Variants in MXD4 observed in about 807,000 individuals in gnomAD.
The protein encoded by MXD4 is MAX dimerization protein 4.
MXD4 carries 16 observed loss-of-function variants against 24.5 expected under a neutral mutation model. The ratio of observed to expected loss-of-function variants is 0.65; its 90% CI spans 0.44 to 0.99. The LOEUF (loss-of-function observed/expected upper bound fraction) is 0.99. MXD4 is among the 50% of genes least tolerant of loss of function. The pLI is 0.00. For synonymous variants in MXD4, 164 were observed against 134.2 expected, an observed-to-expected ratio of 1.22 and a Z score of -1.54; for missense variants, 301 against 301.5, an observed-to-expected ratio of 1.00 and a Z score of 0.01.
intron 3 of MXD4, 53 bp downstream of exon 3, chr4:2,257,929 T>G: frequency 6.2e-7 from 1 of 1,607,658 alleles, no homozygotes; most frequent in Middle Eastern, 1.7e-4. Flanking sequence ...ACACCCTCAG[T>G]AAAAGGGTGG....
intron 2 of MXD4, among the ~76,000 whole-genome samples, chr4:2,260,147 G>A (rs1336403253): frequency 2.6e-5 from 4 of 152,228 alleles, no homozygotes; most frequent in African/African-American, 4.8e-5. Flanking sequence ...GGGGAGCGGG[G>A]CTCGGCCCAG....
Position 2,250,261 on chromosome 4 carries a change from T to G in MXD4, c.*283A>C. The G allele has an allele frequency of 2.0e-6, 1 of 511,742 alleles. No homozygotes were observed. The highest frequency in any genetic ancestry group is 3.5e-6 in the Non-Finnish European group (1 of 287,518). The allele number at this position is 511,742 out of a possible 1,614,324, so 31.7% of individuals were successfully genotyped here. On this transcript the variant is annotated 3_prime_UTR_variant, in exon 6 of 6. Transcript: ENST00000337190. ...TGACGTTTAATACTTCTGGAATGAT[T>G]AGGAATCTGAGAACAGACCGTGGGC...
At chr4:2,260,287 G>T (rs1008037381) in intron 2 of MXD4, among the ~76,000 whole-genome samples, 1 of 152,356 alleles carries the variant, frequency 6.6e-6, no homozygotes, top group South Asian at 2.1e-4. Context: ...TCAGAGATGG[G>T]TGAGTGGCAG....
In MXD4 at chr4:2,261,788, T is replaced by C; in HGVS notation, c.101A>G (p.Asp34Gly). The C allele has an allele frequency of 7.0e-7, 1 of 1,429,386 alleles. No homozygotes were observed. Among genetic ancestry groups the C allele is most frequent in the Non-Finnish European group, 9.2e-7 (1 of 1,083,992 alleles). 88.5% of individuals were successfully genotyped at this position (1,429,386 alleles called of 1,614,324 possible). A position where few individuals can be genotyped will look rare whatever the true frequency, so the allele number is the denominator to read the frequency against. Residue 34 changes from aspartate to glycine, a missense_variant, in exon 2 of 6, where the codon GAC becomes GGC. Transcript: ENST00000337190. The stretch of plus-strand genomic sequence containing the variant: ...TGTTTTCTCCCTGGCGAAGTCGCCG[T>C]CGAAGGGCAGCACCGAGGCGTAGCC... ...EHGYASVLPF[D>G]GDFAREKTKA...
In MXD4 at chr4:2,249,732, G is replaced by A. The variant is rs1483819464; in HGVS notation, c.*812C>T. 1 of 152,296 alleles carries A rather than the reference G, an allele frequency of 6.6e-6. No homozygotes were observed. The highest frequency in any genetic ancestry group is 2.4e-5 in the African/African-American group (1 of 41,452). The allele number at this position is 152,296 out of a possible 1,614,324, so 9.4% of individuals were successfully genotyped here. A position where few individuals can be genotyped will look rare whatever the true frequency, so the allele number is the denominator to read the frequency against. On this transcript the variant is annotated 3_prime_UTR_variant, in exon 6 of 6. Coordinates refer to ENST00000337190, the MANE Select transcript of MXD4 (RefSeq NM_006454.3). The stretch of plus-strand genomic sequence containing the variant: ...ACTACTGGGTGGGCGTGGGTGAGCA[G>A]GAGCTAGAGGGGGATCCAGGCACAG...
Position 2,262,033 on chromosome 4 carries a change from G to A in MXD4, c.-53C>T, listed in dbSNP as rs961587556. 5.1e-4 allele frequency: 495 copies of A among 963,072 alleles called. No individual in the cohort carries two copies. The highest frequency in any genetic ancestry group is 5.7e-4 in the Non-Finnish European group (454 of 800,706). The allele number at this position is 963,072 out of a possible 1,614,324, so 59.7% of individuals were successfully genotyped here. On this transcript the variant is annotated 5_prime_UTR_variant, in exon 1 of 6. Transcript: ENST00000337190. The stretch of plus-strand genomic sequence containing the variant: ...GACGGCGGCGGCCGCTGCCCGGCCC[G>A]CTCCGGCCGGCTCCGCTCGCCGCCC...
chr4:2,252,713 C>A lies in MXD4; in HGVS notation c.195-191G>T, dbSNP rs1038939384. The A allele has an allele frequency of 3.1e-5, 17 of 546,478 alleles. No individual in the cohort carries two copies. In the Admixed American group the frequency reaches 3.3e-4, roughly 11 times the overall value. The allele number at this position is 546,478 out of a possible 1,614,324, so 33.9% of individuals were successfully genotyped here. A position where few individuals can be genotyped will look rare whatever the true frequency, so the allele number is the denominator to read the frequency against. ...CCCAGGAGGAGCCCAACACCCACAG[C>A]CCCCAGACACCTGGCAGAAGCGCCC... On this transcript the variant is annotated intron_variant, in intron 3 of 5. Transcript: ENST00000337190.
chr4:2,255,902 G>A (rs1399056716), intron 3 of MXD4, among the ~76,000 whole-genome samples: 1 of 152,178 alleles, frequency 6.6e-6, no homozygotes, highest in Non-Finnish European at 1.5e-5. Flanking sequence ...CCGCTGCCGG[G>A]GAGCTGGGGG....
rs1441144773 is a variant in MXD4, at chr4:2,250,535, G to A, written c.*9C>T. 4 of 1,566,992 alleles carry A rather than the reference G, an allele frequency of 2.6e-6. No homozygotes were observed. The East Asian group carries it at 7.1e-5, about 28-fold the overall frequency. On this transcript the variant is annotated 3_prime_UTR_variant, in exon 6 of 6. Coordinates refer to ENST00000337190, the MANE Select transcript of MXD4 (RefSeq NM_006454.3). ...CGGGCAGGCAGGCCAAGGAGCAGAG[G>A]GCACGGGCCTACGAGAGGGCGGGGC...
intron 4 of MXD4, among the ~76,000 whole-genome samples, chr4:2,251,735 C>G (rs1267935692): frequency 6.6e-6 from 1 of 152,272 alleles, no homozygotes; most frequent in African/African-American, 2.4e-5. Flanking sequence ...TGAGACACTG[C>G]TTGCTCTGTG....
At chr4:2,251,009 T>C in intron 5 of MXD4, 75 bp downstream of exon 5, 1 of 1,441,104 alleles carries the variant, frequency 6.9e-7, no homozygotes, top group Non-Finnish European at 9.2e-7. Context: ...ACCAGGCACC[T>C]CCTCTCCACC....
intron 3 of MXD4, chr4:2,255,020 A>G: frequency 2.9e-6 from 1 of 342,428 alleles, no homozygotes; most frequent in Non-Finnish European, 5.8e-6. Context: ...GGCACATCGC[A>G]GGACTGTCCG....
intron 3 of MXD4, chr4:2,254,612 A>C (rs1323637271): frequency 1.3e-5 from 2 of 152,306 alleles, no homozygotes; most frequent in Non-Finnish European, 2.9e-5. Flanking sequence ...CATATAAAAG[A>C]CAAATGGTTA....
At chr4:2,261,647 C>G in intron 2 of MXD4, 78 bp downstream of exon 2, 1 of 871,650 alleles carries the variant, frequency 1.1e-6, no homozygotes, top group Non-Finnish European at 1.4e-6. Context: ...GGCCGGGAAT[C>G]GGGGCCCGGA....
At position 2,261,709 on chromosome 4, in the gene MXD4, G is replaced by C. The variant is rs779297390; in HGVS notation, c.164+16C>G. 239 of 1,340,896 alleles carry C rather than the reference G, an allele frequency of 1.8e-4. No homozygotes were observed. The highest frequency in any genetic ancestry group is 2.3e-4 in the Non-Finnish European group (235 of 1,034,448). 83.1% of individuals were successfully genotyped at this position (1,340,896 alleles called of 1,614,324 possible). A position where few individuals can be genotyped will look rare whatever the true frequency, so the allele number is the denominator to read the frequency against. ...TTCGGACCGGGCCGGGCGGGGTCGGGAGCGGGGGGCGGTACCTGTTGTTCG... is the reference window on the plus strand; with the variant it reads ...TTCGGACCGGGCCGGGCGGGGTCGGCAGCGGGGGGCGGTACCTGTTGTTCG... On this transcript the variant is annotated intron_variant, in intron 2 of 5. Transcript: ENST00000337190.
chr4:2,251,030 C>T lies in MXD4; in HGVS notation c.472+54G>A, dbSNP rs527534537. On this transcript the variant is annotated intron_variant, in intron 5 of 5. Coordinates refer to ENST00000337190, the MANE Select transcript of MXD4 (RefSeq NM_006454.3). ...CACCTCCTCTCCACCCAGGGAGCTG[C>T]ACCACTGCGCACCCGGAGGCCCAGG... 22 of 1,479,772 alleles carry T rather than the reference C, an allele frequency of 1.5e-5. No individual in the cohort carries two copies. In the South Asian group the frequency reaches 2.8e-4, roughly 19 times the overall value. 91.7% of individuals were successfully genotyped at this position (1,479,772 alleles called of 1,614,324 possible).
At chr4:2,258,053 G>A (rs772205963) in intron 2 of MXD4, 42 bp from the exon 3 acceptor site, 5 of 1,611,998 alleles carry the variant, frequency 3.1e-6, no homozygotes, top group South Asian at 2.2e-5. Flanking sequence ...TCTTCTGCCT[G>A]CCCACCAGGG....
rs866997211 is a variant in MXD4, at chr4:2,260,493, C to T, written c.164+1232G>A. Reference sequence around the variant, plus strand: ...TCCATGCTGGGGGAGCCCCAGCTCACGCCCCAGAGTTCTCCACGGGTCAGG... The same window carrying T: ...TCCATGCTGGGGGAGCCCCAGCTCATGCCCCAGAGTTCTCCACGGGTCAGG... On this transcript the variant is annotated intron_variant, in intron 2 of 5. Coordinates refer to ENST00000337190, the MANE Select transcript of MXD4 (RefSeq NM_006454.3). 9.1e-5 allele frequency: 41 copies of T among 449,744 alleles called. No homozygotes were observed. The Middle Eastern group carries it at 9.8e-4, about 11-fold the overall frequency. The allele number at this position is 449,744 out of a possible 1,614,324, so 27.9% of individuals were successfully genotyped here.
At position 2,252,429 on chromosome 4, in the gene MXD4, C is replaced by T. The variant is rs1371594228; in HGVS notation, c.288G>A (p.Lys96=). The change falls in exon 4 of 6, where the codon AAG becomes AAA. Residue 96 remains lysine, a synonymous_variant. Transcript: ENST00000337190. ...TCACCTTGATGTGCACCTTGGCCCG[C>T]TTCAGGAGGCTCAGCGTGGTGTGGC... The part of the protein sequence containing the change: ...STRHTTLSLL[K]RAKVHIKKLE... 6.2e-7 allele frequency: 1 copy of T among 1,613,186 alleles called. No individual in the cohort carries two copies. The highest frequency in any genetic ancestry group is 8.5e-7 in the Non-Finnish European group (1 of 1,179,972).
Sources: allele counts gnomAD v4.1 joint callset (sites outside exome capture counted in the v4.1 genomes callset), GRCh38; gene constraint gnomAD v4.1.1; transcripts MANE v1.5; gene names NCBI Gene and HGNC (gene_info 2026-07-23, HGNC 2026-07-21).